The following RNF126 variants were observed in gnomAD, a reference collection of about 807,000 sequenced individuals.
The protein encoded by RNF126 is ring finger protein 126.
In RNF126, 20 loss-of-function variants were observed where a neutral mutation model predicts 41.9. The observed-to-expected ratio is 0.48, with a 90% CI of 0.34 to 0.69. The LOEUF (loss-of-function observed/expected upper bound fraction) is 0.69, where lower values mean the gene tolerates loss of function less well. RNF126 is among the 30% of genes least tolerant of loss of function. The probability of loss-of-function intolerance (pLI) is 0.01; values close to 1 mark genes in which losing one functional copy is unlikely to be tolerated. For synonymous variants in RNF126, 239 were observed against 202.9 expected (o/e 1.18, Z -1.51); for missense variants, 433 against 460.6 (o/e 0.94, Z 0.55).
chr19:657,861 G>A (rs2030625122), intron 1 of RNF126, among the ~76,000 whole-genome samples: 1 of 152,150 alleles, frequency 6.6e-6, no homozygotes, highest in South Asian at 2.1e-4. Flanking sequence ...CCGACGGTGG[G>A]AGGGGCTGGA....
intron 1 of RNF126, among the ~76,000 whole-genome samples, chr19:654,678 A>G (rs1263333242): frequency 1.1e-5 from 1 of 95,232 alleles, no homozygotes; most frequent in African/African-American, 4.2e-5. Flanking sequence ...AAAAAAAAAA[A>G]AGTGCTGGCC....
chr19:650,580 G>C (rs866402960), intron 4 of RNF126: 2 of 218,070 alleles, frequency 9.2e-6, no homozygotes, highest in Non-Finnish European at 1.6e-5. Context: ...ACCACTCTCG[G>C]CTACTTTTTT....
At chr19:653,001 C>A in intron 1 of RNF126, 117 bp from the exon 2 acceptor site, 1 of 988,192 alleles carries the variant, frequency 1.0e-6, no homozygotes, top group Non-Finnish European at 1.5e-6. Flanking sequence ...CAGGCACACG[C>A]AGGCCAGGGT....
At chr19:662,503 T>A (rs1237879529) in intron 1 of RNF126, among the ~76,000 whole-genome samples, 1 of 152,042 alleles carries the variant, frequency 6.6e-6, no homozygotes, top group African/African-American at 2.4e-5. Context: ...GGCCTGGGCC[T>A]GCCTCCAAGG....
At chr19:658,524 C>T (rs539180652) in intron 1 of RNF126, among the ~76,000 whole-genome samples, 1 of 152,242 alleles carries the variant, frequency 6.6e-6, no homozygotes, top group Admixed American at 6.5e-5. Context: ...AAAGGGTGCC[C>T]AAAGCTTCCC....
chr19:659,251 G>T lies in RNF126; in HGVS notation c.75+3796C>A, dbSNP rs992115652. 6.6e-6 allele frequency among the ~76,000 whole-genome samples: 1 copy of T among 152,136 alleles called. No homozygotes were observed. Among genetic ancestry groups the T allele is most frequent in the African/African-American group, 2.4e-5 (1 of 41,442 alleles). ...CGGGCCAGGCCGCCGCAGGGACCAGGAGAAGACAGGGTGGGCCGGGGGGCA... is the reference window on the plus strand; with the variant it reads ...CGGGCCAGGCCGCCGCAGGGACCAGTAGAAGACAGGGTGGGCCGGGGGGCA... On this transcript the variant is annotated intron_variant, in intron 1 of 8. Coordinates refer to ENST00000292363, the MANE Select transcript of RNF126 (RefSeq NM_194460.3). This position sits in a 1 kb window ranked among gnomAD's most constrained non-coding sequence, Gnocchi z 4.9.
At position 650,143 on chromosome 19, in the gene RNF126, A is replaced by C; in HGVS notation, c.506+91T>G. 9.0e-6 allele frequency: 10 copies of C among 1,105,862 alleles called. No homozygotes were observed. The South Asian group carries it at 1.4e-4, about 16-fold the overall frequency. 68.5% of individuals were successfully genotyped at this position (1,105,862 alleles called of 1,614,324 possible). A position where few individuals can be genotyped will look rare whatever the true frequency, so the allele number is the denominator to read the frequency against. Reference sequence around the variant, plus strand: ...GGACAGGCACCCCCTCCTACTCACCAGGGACCCTGGCTGGGGATGGGGACA... The same window carrying C: ...GGACAGGCACCCCCTCCTACTCACCCGGGACCCTGGCTGGGGATGGGGACA... On this transcript the variant is annotated intron_variant, in intron 5 of 8. Coordinates refer to ENST00000292363, the MANE Select transcript of RNF126 (RefSeq NM_194460.3).
chr19:647,837 G>C lies in RNF126; in HGVS notation c.*291C>G. On this transcript the variant is annotated 3_prime_UTR_variant, in exon 9 of 9. Transcript: ENST00000292363. ...AGCTCAAACGTCCGTTTATTTCAAA[G>C]CAGTAATAATTTAAAATTATAAAAA... The C allele has an allele frequency of 1.8e-6, 1 of 553,526 alleles. No individual in the cohort carries two copies. The highest frequency in any genetic ancestry group is 4.9e-4 in the Middle Eastern group (1 of 2,026). 34.3% of individuals were successfully genotyped at this position (553,526 alleles called of 1,614,324 possible). A position where few individuals can be genotyped will look rare whatever the true frequency, so the allele number is the denominator to read the frequency against.
At chr19:652,557 C>G (rs960696838) in intron 2 of RNF126, 1 of 602,552 alleles carries the variant, frequency 1.7e-6, no homozygotes, top group Non-Finnish European at 2.9e-6. Flanking sequence ...GCCCCTTCCC[C>G]GGAGGGCCTG....
At position 663,066 on chromosome 19, in the gene RNF126, T is replaced by A. The variant is rs1201229507; in HGVS notation, c.56A>T (p.Glu19Val). Residue 19 changes from glutamate to valine, a missense_variant, in exon 1 of 9, where the codon GAG becomes GTG. Glu to Val is a moderately radical substitution (Grantham distance 121, BLOSUM62 -2). Transcript: ENST00000292363. ...CCTCACCGGCAGGCGCGGGACGATC[T>A]CCACGGAGCAGCAGTGGCAGAAGTA... ...GRYFCHCCSV[E>V]IVPRLPDYIC... is the part of the protein sequence containing the mutation. 1 of 1,378,910 alleles carries A rather than the reference T, an allele frequency of 7.3e-7. No homozygotes were observed. 85.4% of individuals were successfully genotyped at this position (1,378,910 alleles called of 1,614,324 possible).
chr19:663,106 G>T lies in RNF126; in HGVS notation c.16C>A (p.Pro6Thr). Reference sequence around the variant, plus strand: ...TGGCAGAAGTACCGTCCGGGATGCGGCGACGCCTCGGCCATGGCCGCCGCC... The same window carrying T: ...TGGCAGAAGTACCGTCCGGGATGCGTCGACGCCTCGGCCATGGCCGCCGCC... MAEASPHPGRYFCHCC... is the reference protein window; with the variant it reads MAEASTHPGRYFCHCC... Residue 6 changes from proline (P) to threonine (T), a missense_variant, in exon 1 of 9, where the codon CCG becomes ACG. By Grantham distance (38) the Pro-to-Thr change is conservative. This residue lies in a region of RNF126 where 247 missense variants were observed against 224.7 expected (regional missense o/e 1.10). Transcript: ENST00000292363. The T allele has an allele frequency of 7.5e-7, 1 of 1,337,132 alleles. No homozygotes were observed. Among genetic ancestry groups the T allele is most frequent in the Non-Finnish European group, 9.6e-7 (1 of 1,037,272 alleles). 82.8% of individuals were successfully genotyped at this position (1,337,132 alleles called of 1,614,324 possible).
intron 4 of RNF126, among the ~76,000 whole-genome samples, chr19:651,117 G>T (rs2030256810): frequency 2.0e-5 from 3 of 147,254 alleles, no homozygotes; most frequent in Non-Finnish European, 4.5e-5. Flanking sequence ...CCCTGCGACG[G>T]CTCCCCCAGG....
In RNF126 at chr19:652,680, G is replaced by A. The variant is rs963161564; in HGVS notation, c.134+146C>T. 8.2e-6 allele frequency: 6 copies of A among 734,686 alleles called. 1 individual carries two copies. Among genetic ancestry groups the A allele is most frequent in the Admixed American group, 7.3e-5 (3 of 41,184 alleles). The allele number at this position is 734,686 out of a possible 1,614,324, so 45.5% of individuals were successfully genotyped here. The stretch of plus-strand genomic sequence containing the variant: ...AGAAGAGAACGGCACGCTGCTGTCT[G>A]CACAGAGAAAAGTGCTCCCGGAGCC... On this transcript the variant is annotated intron_variant, in intron 2 of 8. Coordinates refer to ENST00000292363, the MANE Select transcript of RNF126 (RefSeq NM_194460.3).
intron 1 of RNF126, among the ~76,000 whole-genome samples, chr19:655,267 C>T (rs537802437): frequency 6.6e-6 from 1 of 151,758 alleles, no homozygotes; most frequent in East Asian, 1.9e-4. Context: ...GAGATCGAGA[C>T]CGCAGTGAGC....
intron 1 of RNF126, among the ~76,000 whole-genome samples, chr19:662,314 G>T (rs187121297): frequency 6.6e-6 from 1 of 152,334 alleles, no homozygotes; most frequent in Admixed American, 6.5e-5. Context: ...TAAACGAGCA[G>T]GAAGTAGCAC....
At chr19:654,349 G>A (rs2030464710) in intron 1 of RNF126, among the ~76,000 whole-genome samples, 1 of 152,192 alleles carries the variant, frequency 6.6e-6, no homozygotes, top group Non-Finnish European at 1.5e-5. Context: ...TTCTCGGCAC[G>A]CTCCGCCATC....
At position 647,921 on chromosome 19, in the gene RNF126, A is replaced by G; in HGVS notation, c.*207T>C. On this transcript the variant is annotated 3_prime_UTR_variant, in exon 9 of 9. Coordinates refer to ENST00000292363, the MANE Select transcript of RNF126 (RefSeq NM_194460.3). ...TAGACAGAGGACGGGGAGGCTGGGG[A>G]CGCCCCAGAGGGGACCATGTGGCCC... The G allele has an allele frequency of 1.6e-6, 1 of 639,370 alleles. No individual in the cohort carries two copies. Among genetic ancestry groups the G allele is most frequent in the Non-Finnish European group, 2.7e-6 (1 of 365,238 alleles). 39.6% of individuals were successfully genotyped at this position (639,370 alleles called of 1,614,324 possible).
In RNF126 at chr19:649,762, G is replaced by T; in HGVS notation, c.507-14C>A. The T allele has an allele frequency of 6.4e-7, 1 of 1,558,104 alleles. No homozygotes were observed. The highest frequency in any genetic ancestry group is 8.7e-7 in the Non-Finnish European group (1 of 1,149,658). On this transcript the variant is annotated splice_polypyrimidine_tract_variant and intron_variant, in intron 5 of 8. Transcript: ENST00000292363. ...TGCAGGACTCCCCTGGAGGTGGAAG[G>T]TGGGGTTCAAGTGGCTGACGGGCAG...
Position 647,865 on chromosome 19 carries a change from T to C in RNF126, c.*263A>G. The stretch of plus-strand genomic sequence containing the variant: ...GTAATAATTTAAAATTATAAAAATC[T>C]TTCCACCGCTGAACGTTTAGAGGGT... On this transcript the variant is annotated 3_prime_UTR_variant, in exon 9 of 9. Transcript: ENST00000292363. 1 of 636,578 alleles carries C rather than the reference T, an allele frequency of 1.6e-6. No homozygotes were observed. 39.4% of individuals were successfully genotyped at this position (636,578 alleles called of 1,614,324 possible). A position where few individuals can be genotyped will look rare whatever the true frequency, so the allele number is the denominator to read the frequency against.
Sources: allele counts gnomAD v4.1 joint callset (sites outside exome capture counted in the v4.1 genomes callset), GRCh38; gene constraint gnomAD v4.1.1; regional missense constraint gnomAD v4.1.1; non-coding constraint Gnocchi (gnomAD v3.1); transcripts MANE v1.5; gene names NCBI Gene and HGNC (gene_info 2026-07-23, HGNC 2026-07-21).